The following FRMPD4 variants were observed in gnomAD, a reference collection of about 807,000 sequenced individuals.
FRMPD4 encodes FERM and PDZ domain-containing protein 4.
A neutral mutation model predicts 94.1 loss-of-function variants in FRMPD4; 22 were observed. The observed-to-expected ratio is 0.23, with a 90% confidence interval of 0.17 to 0.33. FRMPD4 has a LOEUF of 0.33. Among genes scored for constraint, FRMPD4 ranks in the 10% least tolerant of loss-of-function variants. The pLI, the probability that FRMPD4 is intolerant of heterozygous loss-of-function variation, is 1.00. For missense variants in FRMPD4, 1,111 were observed against 1,339.9 expected, an observed-to-expected ratio of 0.83 and a Z score of 2.67; for synonymous variants, 631 against 548.6, an observed-to-expected ratio of 1.15 and a Z score of -2.10.
At chrX:11,880,169 G>C (rs990896897) in intron 3 of FRMPD4, among the ~76,000 whole-genome samples, 2 of 111,522 alleles carry the variant, frequency 1.8e-5, no homozygotes, top group African/African-American at 6.5e-5. Context: ...AGCTTGATCT[G>C]GTATGCACCC....
At chrX:12,006,027 T>G in intron 3 of FRMPD4, among the ~76,000 whole-genome samples, 1 of 111,587 alleles carries the variant, frequency 9.0e-6, no homozygotes, top group East Asian at 2.8e-4. Flanking sequence ...GTAATGATTG[T>G]AGCCTTGGTA....
At chrX:11,984,206 A>G (rs1274673796) in intron 3 of FRMPD4, among the ~76,000 whole-genome samples, 1 of 112,102 alleles carries the variant, frequency 8.9e-6, no homozygotes, top group Non-Finnish European at 1.9e-5. Flanking sequence ...AGCTTTGGCT[A>G]ACTTTCTCAA....
intron 3 of FRMPD4, among the ~76,000 whole-genome samples, chrX:12,073,844 C>T (rs943823942): frequency 9.1e-6 from 1 of 110,287 alleles, no homozygotes; most frequent in Non-Finnish European, 1.9e-5. Context: ...TCCAGGATTA[C>T]AGGTGTGTAC....
chrX:12,559,388 G>A (rs754076016), intron 2 of FRMPD4, among the ~76,000 whole-genome samples: 94 of 111,825 alleles, frequency 8.4e-4, no homozygotes, highest in African/African-American at 2.9e-3. Context: ...GGTGGCTCAC[G>A]CCTGTGATTC....
intron 1 of FRMPD4, among the ~76,000 whole-genome samples, chrX:12,206,935 A>G (rs1185554913): frequency 8.9e-6 from 1 of 112,564 alleles, no homozygotes; most frequent in Non-Finnish European, 1.9e-5. Flanking sequence ...TTTGTTATAC[A>G]GTAATGTTTT....
intron 3 of FRMPD4, among the ~76,000 whole-genome samples, chrX:12,101,976 A>C (rs1214691502): frequency 1.8e-5 from 2 of 112,082 alleles, no homozygotes; most frequent in Admixed American, 1.9e-4. Context: ...TTTTCATAGC[A>C]TGCACACTTT....
intron 3 of FRMPD4, among the ~76,000 whole-genome samples, chrX:11,912,135 G>T (rs764814138): frequency 8.9e-6 from 1 of 111,774 alleles, no homozygotes; most frequent in African/African-American, 3.2e-5. Context: ...ATTGAAGTTG[G>T]CAGCTGGAAG....
At chrX:12,250,709 C>T (rs2054027058) in intron 1 of FRMPD4, among the ~76,000 whole-genome samples, 1 of 111,936 alleles carries the variant, frequency 8.9e-6, no homozygotes, top group Non-Finnish European at 1.9e-5. Context: ...AGATTGGATG[C>T]GAGCAGTGCC....
At chrX:12,341,046 G>A (rs757909328) in intron 1 of FRMPD4, among the ~76,000 whole-genome samples, 1 of 111,908 alleles carries the variant, frequency 8.9e-6, no homozygotes, top group South Asian at 3.8e-4. Flanking sequence ...CAGGCCTCCA[G>A]TTCTCAGCTT....
At chrX:12,316,709 C>G (rs1394727232) in intron 1 of FRMPD4, among the ~76,000 whole-genome samples, 3 of 110,050 alleles carry the variant, frequency 2.7e-5, no homozygotes, top group Non-Finnish European at 3.8e-5. Context: ...GGTGTGCTTT[C>G]TTTTAGCATT....
At chrX:11,946,858 G>A (rs1243659522) in intron 3 of FRMPD4, among the ~76,000 whole-genome samples, 1 of 111,652 alleles carries the variant, frequency 9.0e-6, no homozygotes, top group African/African-American at 3.3e-5. Context: ...ACTATGACTG[G>A]AATTTATACC....
At chrX:11,908,638 A>G (rs1205473499) in intron 3 of FRMPD4, among the ~76,000 whole-genome samples, 4 of 111,717 alleles carry the variant, frequency 3.6e-5, no homozygotes, top group Non-Finnish European at 7.5e-5. Flanking sequence ...GCAGATTAAT[A>G]TGGGTGGGTG....
At chrX:11,975,901 C>T (rs748480965) in intron 3 of FRMPD4, among the ~76,000 whole-genome samples, 2 of 112,033 alleles carry the variant, frequency 1.8e-5, no homozygotes, top group African/African-American at 6.5e-5. Flanking sequence ...ATGTGTAATG[C>T]CAGCTACTAT....
intron 3 of FRMPD4, among the ~76,000 whole-genome samples, chrX:12,017,247 G>A (rs2077390287): frequency 8.9e-6 from 1 of 112,190 alleles, no homozygotes; most frequent in African/African-American, 3.2e-5. Context: ...TTGCAGGGCT[G>A]AATGCAGAGA....
chrX:12,468,979 C>A (rs1389449405), intron 1 of FRMPD4, among the ~76,000 whole-genome samples: 2 of 112,345 alleles, frequency 1.8e-5, no homozygotes, highest in Non-Finnish European at 3.8e-5. Flanking sequence ...TGAACAACTG[C>A]AACCCAAATT....
At chrX:11,850,015 T>C (rs1002503904) in intron 1 of FRMPD4, among the ~76,000 whole-genome samples, 3 of 111,971 alleles carry the variant, frequency 2.7e-5, no homozygotes, top group Non-Finnish European at 5.6e-5. Context: ...AGAAAATATT[T>C]TCAAATCATA....
intron 3 of FRMPD4, among the ~76,000 whole-genome samples, chrX:11,972,679 T>C (rs1487260484): frequency 1.8e-5 from 2 of 112,364 alleles, no homozygotes; most frequent in African/African-American, 6.5e-5. Context: ...ATGGGTCTTA[T>C]AGAATACCTA....
intron 1 of FRMPD4, among the ~76,000 whole-genome samples, chrX:11,859,163 A>G (rs2053670763): frequency 8.9e-6 from 1 of 111,934 alleles, no homozygotes; most frequent in Non-Finnish European, 1.9e-5. Flanking sequence ...TTTGACATTT[A>G]TTTAATTAAA....
intron 3 of FRMPD4, among the ~76,000 whole-genome samples, chrX:11,926,753 C>T (rs1369623753): frequency 9.0e-6 from 1 of 111,491 alleles, no homozygotes; most frequent in Admixed American, 9.5e-5. Flanking sequence ...AAGGAACACA[C>T]TCAAAATAAT....
Sources: allele counts gnomAD v4.1 joint callset (sites outside exome capture counted in the v4.1 genomes callset), GRCh38; gene constraint gnomAD v4.1.1; transcripts MANE v1.5; gene names NCBI Gene and HGNC (gene_info 2026-07-23, HGNC 2026-07-21).